MED15: variants seen among roughly 807,000 people sequenced by gnomAD.
MED15 encodes mediator of RNA polymerase II transcription subunit 15.
Under a neutral mutation model 118.7 loss-of-function variants are expected in MED15, and 41 were observed. The observed-to-expected ratio is 0.35, with a 90% CI of 0.27 to 0.45. The LOEUF is 0.45. Among genes scored for constraint, MED15 ranks in the 20% least tolerant of loss-of-function variants. The pLI is 1.00. For missense variants in MED15, 740 were observed against 1,025.5 expected, an observed-to-expected ratio of 0.72 and a Z score of 3.80; for synonymous variants, 436 against 413.9, an observed-to-expected ratio of 1.05 and a Z score of -0.65.
At chr22:20,576,226 TC>T (rs2056821054) in intron 9 of MED15, among the ~76,000 whole-genome samples, 1 of 152,362 alleles carries the variant, frequency 6.6e-6, no homozygotes, top group South Asian at 2.1e-4. Flanking sequence ...CGTGAAAACA[TC>T]AAATTTGCCA....
At chr22:20,527,341 A>C (rs2054681495) in intron 1 of MED15, among the ~76,000 whole-genome samples, 1 of 150,342 alleles carries the variant, frequency 6.7e-6, no homozygotes, top group South Asian at 2.1e-4. Flanking sequence ...ATTTCCAAGA[A>C]CTCCTTCTTT....
chr22:20,552,513 G>A, intron 3 of MED15: 1 of 440,588 alleles, frequency 2.3e-6, no homozygotes, highest in East Asian at 7.7e-5. Context: ...AGATGCGCTG[G>A]CAGACTCCGC....
intron 1 of MED15, among the ~76,000 whole-genome samples, chr22:20,536,466 G>A (rs1187971212): frequency 6.6e-6 from 1 of 152,224 alleles, no homozygotes; most frequent in African/African-American, 2.4e-5. Context: ...ACTCTTCATA[G>A]GATTCTATCT....
chr22:20,565,219 A>C (rs1044794473), intron 6 of MED15, among the ~76,000 whole-genome samples: 3 of 152,206 alleles, frequency 2.0e-5, no homozygotes, highest in Non-Finnish European at 4.4e-5. Flanking sequence ...GAGCCCTTCC[A>C]TTTGGGCTTG....
chr22:20,583,415 C>T (rs759335937), intron 13 of MED15, 22 bp downstream of exon 13: 31 of 1,611,136 alleles, frequency 1.9e-5, no homozygotes, highest in Non-Finnish European at 2.4e-5. Context: ...CCACAGCCCA[C>T]GGAGGGTCCA....
intron 1 of MED15, among the ~76,000 whole-genome samples, chr22:20,514,490 G>T (rs182744396): frequency 6.6e-6 from 1 of 152,192 alleles, no homozygotes; most frequent in East Asian, 1.9e-4. Flanking sequence ...CCTCTGTACA[G>T]CAGATTGCAC....
At position 20,551,500 on chromosome 22, in the gene MED15, T is replaced by C. The variant is rs1350792815; in HGVS notation, c.208+13T>C. 4 of 1,613,534 alleles carry C rather than the reference T, an allele frequency of 2.5e-6. No individual in the cohort carries two copies. The highest frequency in any genetic ancestry group is 1.7e-5 in the Admixed American group (1 of 60,032). On this transcript the variant is annotated intron_variant, in intron 3 of 17. Transcript: ENST00000263205. ...TTTCGAGACATTCGTAAGTAAGATT[T>C]TGCATTTCTGGGTTGTTGAGATCTC...
chr22:20,511,012 C>T (rs892439656), intron 1 of MED15, among the ~76,000 whole-genome samples: 2 of 152,092 alleles, frequency 1.3e-5, no homozygotes, highest in African/African-American at 4.8e-5. Context: ...CTAGGGTTCA[C>T]TTTCTCTCTA....
At chr22:20,508,435 C>T in intron 1 of MED15, 1 of 1,300,128 alleles carries the variant, frequency 7.7e-7, no homozygotes, top group Non-Finnish European at 1.0e-6. Flanking sequence ...GACCACCAAA[C>T]AGGCTTTGTG....
intron 2 of MED15, among the ~76,000 whole-genome samples, chr22:20,550,296 G>C (rs773750711): frequency 8.5e-5 from 13 of 152,168 alleles, no homozygotes; most frequent in Non-Finnish European, 1.2e-4. Context: ...AACTGCCTTG[G>C]TGTCCCCTTG....
chr22:20,567,300 A>G (rs1025300119), intron 7 of MED15, among the ~76,000 whole-genome samples: 5 of 152,200 alleles, frequency 3.3e-5, no homozygotes, highest in African/African-American at 1.2e-4. Context: ...TATTAATATA[A>G]AATACTGTTA....
intron 6 of MED15, 94 bp downstream of exon 6, chr22:20,564,782 C>A: frequency 6.4e-7 from 1 of 1,571,236 alleles, no homozygotes; most frequent in South Asian, 1.2e-5. Flanking sequence ...TGCCCGGAGC[C>A]AGCCGAGGGT....
intron 2 of MED15, among the ~76,000 whole-genome samples, chr22:20,539,603 T>C (rs1052159468): frequency 6.6e-6 from 1 of 152,192 alleles, no homozygotes; most frequent in Non-Finnish European, 1.5e-5. Flanking sequence ...TACCTAGGGG[T>C]AGAGTTGCTG....
chr22:20,570,484 T>A (rs905105632), intron 8 of MED15, among the ~76,000 whole-genome samples: 2 of 150,798 alleles, frequency 1.3e-5, no homozygotes. Context: ...TTCTGCCTCC[T>A]GGGTTCAGGC....
chr22:20,534,912 C>G (rs1001648532), intron 1 of MED15, among the ~76,000 whole-genome samples: 2 of 152,172 alleles, frequency 1.3e-5, no homozygotes, highest in African/African-American at 2.4e-5. Flanking sequence ...AGCAGAAACC[C>G]CTTGCTGCCT....
chr22:20,559,191 A>T (rs753303044), intron 5 of MED15, among the ~76,000 whole-genome samples: 19 of 152,300 alleles, frequency 1.2e-4, no homozygotes, highest in South Asian at 1.2e-3. Context: ...AAGAAAGAGC[A>T]GAAATTCAAA....
chr22:20,555,855 G>A (rs142290440), intron 5 of MED15, among the ~76,000 whole-genome samples: 1 of 152,316 alleles, frequency 6.6e-6, no homozygotes, highest in East Asian at 1.9e-4. Flanking sequence ...CAAAGTAGCT[G>A]GGACTATAGG....
At chr22:20,550,391 GC>G (rs1403624983) in intron 2 of MED15, among the ~76,000 whole-genome samples, 18 of 152,124 alleles carry the variant, frequency 1.2e-4, no homozygotes, top group Non-Finnish European at 2.1e-4. Context: ...AATTCCCCGA[GC>G]TGAAAAAAAG....
In MED15 at chr22:20,552,957, T is replaced by G. The variant is rs553183698; in HGVS notation, c.209-188T>G. On this transcript the variant is annotated intron_variant, in intron 3 of 17. Transcript: ENST00000263205. ...GACCCTGGAGCTACTCTGCACCCTC[T>G]GCCCCCAGGTCTCTTGTGGGGTCAG... 36 of 580,770 alleles carry G rather than the reference T, an allele frequency of 6.2e-5. No homozygotes were observed. The African/African-American group carries it at 6.8e-4, about 11-fold the overall frequency. The allele number at this position is 580,770 out of a possible 1,614,324, so 36.0% of individuals were successfully genotyped here.
Sources: allele counts gnomAD v4.1 joint callset (sites outside exome capture counted in the v4.1 genomes callset), GRCh38; gene constraint gnomAD v4.1.1; transcripts MANE v1.5; gene names NCBI Gene and HGNC (gene_info 2026-07-23, HGNC 2026-07-21).